LARS2: variants seen among roughly 807,000 people sequenced by gnomAD.
LARS2 encodes leucyl-tRNA synthetase 2, mitochondrial.
LARS2 carries 81 observed loss-of-function variants against 116.6 expected under a neutral mutation model. The observed-to-expected ratio is 0.69, with a 90% CI of 0.58 to 0.84. The LOEUF is 0.84. LARS2 is among the 40% of genes least tolerant of loss of function. The probability of loss-of-function intolerance (pLI) is 0.00; values close to 1 mark genes in which losing one functional copy is unlikely to be tolerated. For missense variants in LARS2, 968 were observed against 1,114.5 expected (o/e 0.87, Z 1.87); for synonymous variants, 396 against 407.2 (o/e 0.97, Z 0.33).
intron 21 of LARS2, among the ~76,000 whole-genome samples, chr3:45,542,663 C>T (rs1055194659): frequency 1.3e-5 from 2 of 152,214 alleles, no homozygotes; most frequent in Non-Finnish European, 2.9e-5. Flanking sequence ...ATTGTCATTT[C>T]ACTCTTATCA....
chr3:45,431,174 C>G (rs1340933844), intron 6 of LARS2, among the ~76,000 whole-genome samples: 2 of 152,174 alleles, frequency 1.3e-5, no homozygotes, highest in African/African-American at 2.4e-5. Context: ...AGGGTCCTCA[C>G]CAAGAACCCA....
intron 8 of LARS2, among the ~76,000 whole-genome samples, 173 bp from the exon 9 acceptor site, chr3:45,474,070 C>G (rs1309004844): frequency 6.6e-6 from 1 of 152,198 alleles, no homozygotes; most frequent in Non-Finnish European, 1.5e-5. Flanking sequence ...ATAATGAATG[C>G]ATCTGTTTCT....
intron 7 of LARS2, among the ~76,000 whole-genome samples, chr3:45,452,485 A>G (rs891227455): frequency 6.6e-6 from 1 of 151,970 alleles, no homozygotes; most frequent in African/African-American, 2.4e-5. Context: ...GTATGACATG[A>G]TATTTATTGA....
chr3:45,519,262 C>T (rs1233066225), intron 18 of LARS2, among the ~76,000 whole-genome samples: 1 of 151,830 alleles, frequency 6.6e-6, no homozygotes, highest in Non-Finnish European at 1.5e-5. Flanking sequence ...GAGGCCAAGG[C>T]GGGCAGATCA....
At chr3:45,434,234 T>G (rs1167581366) in intron 6 of LARS2, among the ~76,000 whole-genome samples, 1 of 152,232 alleles carries the variant, frequency 6.6e-6, no homozygotes, top group Non-Finnish European at 1.5e-5. Flanking sequence ...AGATCTTTTG[T>G]TATAGTTCCA....
chr3:45,420,118 T>A (rs1698491873), intron 6 of LARS2, among the ~76,000 whole-genome samples: 1 of 152,234 alleles, frequency 6.6e-6, no homozygotes, highest in Admixed American at 6.5e-5. Context: ...ACCTTTTGTT[T>A]TAAGTTCAGA....
At chr3:45,426,979 G>T (rs1340893918) in intron 6 of LARS2, among the ~76,000 whole-genome samples, 1 of 152,196 alleles carries the variant, frequency 6.6e-6, no homozygotes, top group African/African-American at 2.4e-5. Flanking sequence ...CAGTTTTGGT[G>T]ATGGATCTGG....
chr3:45,544,804 G>A (rs979158035), intron 21 of LARS2, among the ~76,000 whole-genome samples: 100 of 152,174 alleles, frequency 6.6e-4, no homozygotes, highest in African/African-American at 2.4e-3. Flanking sequence ...AGGCAGCTTT[G>A]GCTTTGAAAG....
intron 14 of LARS2, among the ~76,000 whole-genome samples, chr3:45,499,397 A>G (rs968711566): frequency 8.5e-5 from 13 of 152,126 alleles, no homozygotes; most frequent in African/African-American, 1.4e-4. Flanking sequence ...AGCCGAGATC[A>G]CGCCCCTGCA....
At chr3:45,441,755 C>T (rs1205630709) in intron 6 of LARS2, among the ~76,000 whole-genome samples, 2 of 152,156 alleles carry the variant, frequency 1.3e-5, no homozygotes, top group Non-Finnish European at 2.9e-5. Flanking sequence ...GCCAGACTGG[C>T]TTAATTGTTA....
intron 11 of LARS2, among the ~76,000 whole-genome samples, chr3:45,488,345 A>T (rs1699851175): frequency 6.6e-6 from 1 of 152,196 alleles, no homozygotes; most frequent in Non-Finnish European, 1.5e-5. Context: ...AGATATGAGA[A>T]TCACTTGAAC....
In LARS2 at chr3:45,458,897, G is replaced by A. The variant is rs532565870; in HGVS notation, c.750+11G>A. The stretch of plus-strand genomic sequence containing the variant: ...ACCGCTTATGCAAAGGTGAGTGTCA[G>A]CCTGGAGGCTCCCCACTAATGCCTT... On this transcript the variant is annotated intron_variant, in intron 8 of 21. Transcript: ENST00000645846. The A allele has an allele frequency of 7.9e-5, 128 of 1,613,676 alleles. No individual in the cohort carries two copies. In the South Asian group the frequency reaches 1.3e-3, roughly 17 times the overall value.
intron 20 of LARS2, 48 bp downstream of exon 20, chr3:45,524,156 G>T (rs754115208): frequency 8.0e-6 from 10 of 1,245,390 alleles, no homozygotes; most frequent in Non-Finnish European, 1.2e-5. Flanking sequence ...ACTAGAATTT[G>T]TCGAAGCCTC....
intron 14 of LARS2, among the ~76,000 whole-genome samples, chr3:45,497,456 A>C (rs1343620657): frequency 6.6e-6 from 1 of 152,190 alleles, no homozygotes; most frequent in Non-Finnish European, 1.5e-5. Flanking sequence ...TGGCAGAAAC[A>C]TTCTGGAACC....
At chr3:45,409,225 G>A (rs1698285987) in intron 4 of LARS2, among the ~76,000 whole-genome samples, 1 of 151,620 alleles carries the variant, frequency 6.6e-6, no homozygotes, top group African/African-American at 2.4e-5. Flanking sequence ...TAGGGAAATT[G>A]CCTAGTTAGC....
chr3:45,492,198 T>C (rs1699931375), intron 13 of LARS2, among the ~76,000 whole-genome samples: 1 of 152,228 alleles, frequency 6.6e-6, no homozygotes, highest in South Asian at 2.1e-4. Flanking sequence ...TCCAATATAG[T>C]GACTGTAACA....
intron 6 of LARS2, among the ~76,000 whole-genome samples, chr3:45,431,555 T>C (rs1222266551): frequency 6.6e-6 from 1 of 152,168 alleles, no homozygotes; most frequent in Non-Finnish European, 1.5e-5. Context: ...ATAGAGGCAG[T>C]TCATGTATGT....
chr3:45,484,630 A>AAAAAAAAAAT (rs1553634443), intron 10 of LARS2, among the ~76,000 whole-genome samples: 1 of 9,738 alleles, frequency 1.0e-4, no homozygotes, highest in African/African-American at 1.8e-4. Flanking sequence ...AAAAAAAAAA[A>AAAAAAAAAAT]ATATATATAT....
At chr3:45,521,140 T>TA (rs1700447341) in intron 19 of LARS2, among the ~76,000 whole-genome samples, 1 of 151,866 alleles carries the variant, frequency 6.6e-6, no homozygotes, top group African/African-American at 2.4e-5. Context: ...CCATCTCTAC[T>TA]AAAAAATACA....
Sources: gnomAD v4.1 joint callset for allele counts (sites outside exome capture counted in the v4.1 genomes callset) on GRCh38, gnomAD v4.1.1 for gene constraint, MANE v1.5 for transcripts, NCBI Gene and HGNC (gene_info 2026-07-23, HGNC 2026-07-21) for gene names.